The following SRP14 variants were observed in gnomAD, a reference collection of about 807,000 sequenced individuals.
SRP14 encodes the protein signal recognition particle 14.
SRP14 carries 1 observed loss-of-function variant against 16.0 expected under a neutral mutation model. That is an observed-to-expected ratio of 0.06 (90% CI 0.02 to 0.30). The LOEUF (loss-of-function observed/expected upper bound fraction) is 0.30. SRP14 is among the 10% of genes least tolerant of loss of function. SRP14 has a pLI of 1.00. For synonymous variants in SRP14, 67 were observed against 60.1 expected (o/e 1.12, Z -0.53); for missense variants, 120 against 163.1 (o/e 0.74, Z 1.44).
rs1555424355 is a variant in SRP14 at position 40,037,279 on chromosome 15, G to GGAAAAA, written c.211-262_211-261insTTTTTC. The GGAAAAA allele has an allele frequency of 6.8e-5, 51 of 749,852 alleles. 1 individual carries two copies. Among genetic ancestry groups the GGAAAAA allele is most frequent in the East Asian group, 6.3e-4 (7 of 11,190 alleles). The allele number at this position is 749,852 out of a possible 1,614,324, so 46.4% of individuals were successfully genotyped here. A position where few individuals can be genotyped will look rare whatever the true frequency, so the allele number is the denominator to read the frequency against. The stretch of plus-strand genomic sequence containing the variant: ...TGAAAGGCAGTAGGCTCCTTTTGGG[G>GGAAAAA]AAAAAAAAAAAAAAAGCTTTGTTTC... On this transcript the variant is annotated intron_variant, in intron 3 of 4. Transcript: ENST00000267884.
At chr15:40,038,510 G>T in intron 2 of SRP14, 116 bp from the exon 3 acceptor site, 1 of 720,716 alleles carries the variant, frequency 1.4e-6, no homozygotes, top group Non-Finnish European at 2.4e-6. Context: ...CGCTGCTCTA[G>T]TTTTGTTAAA....
intron 4 of SRP14, 97 bp from the exon 5 acceptor site, chr15:40,036,597 A>C: frequency 8.2e-7 from 1 of 1,218,338 alleles, no homozygotes; most frequent in Non-Finnish European, 1.2e-6. Flanking sequence ...GCCAAAAATC[A>C]GGAAAGAATA....
Position 40,036,498 on chromosome 15 carries a change from A to G in SRP14, c.246T>C (p.Ala82=). Residue 82 remains alanine, a splice_region_variant and synonymous_variant, in exon 5 of 5, where the codon GCT becomes GCC. Coordinates refer to ENST00000267884, the MANE Select transcript of SRP14 (RefSeq NM_003134.6). ...TGTTAGCTCTAAGGAGGTTTGAATAAGCCTGAAAGATACAACAGAGCATAC... is the reference window on the plus strand; with the variant it reads ...TGTTAGCTCTAAGGAGGTTTGAATAGGCCTGAAAGATACAACAGAGCATAC... ...SSKEVNKFQM[A]YSNLLRANMD... The G allele has an allele frequency of 6.2e-7, 1 of 1,613,868 alleles. No homozygotes were observed. The highest frequency in any genetic ancestry group is 1.1e-5 in the South Asian group (1 of 91,082).
At position 40,037,002 on chromosome 15, in the gene SRP14, A is replaced by G; in HGVS notation, c.227T>C (p.Val76Ala). ...KISTVVSSKE[V>A]NKFQMAYSNL... ...AAAACTCACCATCTGAAACTTATTC[A>G]CTTCCTTGGAGCTCACCTGAAAAAG... Residue 76 changes from valine (V) to alanine (A), a missense_variant, in exon 4 of 5, where the codon GTG (valine) becomes GCG (alanine). By Grantham distance (64) the Val-to-Ala change is moderately conservative (BLOSUM62 0). Around this residue, in one of 3 missense-constraint regions of SRP14, gnomAD observed 44 missense variants for 93.1 expected, o/e 0.47. Transcript: ENST00000267884. 2 of 1,613,908 alleles carry G rather than the reference A, an allele frequency of 1.2e-6. No individual in the cohort carries two copies. The highest frequency in any genetic ancestry group is 1.7e-6 in the Non-Finnish European group (2 of 1,179,966).
chr15:40,036,015 T>C lies in SRP14; in HGVS notation c.*318A>G. ...TTATTGCCAGAACTATTAAAATGGG[T>C]TGGGAAAGGAATAAAGAGACAGTGC... On this transcript the variant is annotated 3_prime_UTR_variant, in exon 5 of 5. Transcript: ENST00000267884. 3.0e-6 allele frequency: 1 copy of C among 330,526 alleles called. No individual in the cohort carries two copies. Among genetic ancestry groups the C allele is most frequent in the Non-Finnish European group, 5.5e-6 (1 of 182,908 alleles). 20.5% of individuals were successfully genotyped at this position (330,526 alleles called of 1,614,324 possible).
rs1165391477 is a variant in SRP14, at chr15:40,037,623, T to A, written c.211-605A>T. Among the ~76,000 whole-genome samples, 6 of 14,982 alleles carry A rather than the reference T, an allele frequency of 4.0e-4. 1 individual carries two copies. The highest frequency in any genetic ancestry group is 1.6e-3 in the South Asian group (1 of 622). The allele number at this position is 14,982 out of a possible 152,430, so 9.8% of individuals were successfully genotyped here. A position where few individuals can be genotyped will look rare whatever the true frequency, so the allele number is the denominator to read the frequency against. On this transcript the variant is annotated intron_variant, in intron 3 of 4. Coordinates refer to ENST00000267884, the MANE Select transcript of SRP14 (RefSeq NM_003134.6). ...CTCTCAAGATAACTTGTCCTTAGGT[T>A]TTTGTTATTTCATGATATCTAACTT...
At chr15:40,038,752 G>C in intron 2 of SRP14, 124 bp downstream of exon 2, 2 of 1,044,864 alleles carry the variant, frequency 1.9e-6, no homozygotes, top group Non-Finnish European at 2.8e-6. Context: ...CCGAAGCCCC[G>C]AATGTGCTCA....
Position 40,036,389 on chromosome 15 carries a change from C to T in SRP14, c.355G>A (p.Ala119Thr), listed in dbSNP as rs199851589. The change falls in exon 5 of 5, where the codon GCA becomes ACA. Residue 119 changes from alanine to threonine, a missense_variant. Physicochemically the swap from Ala to Thr is moderately conservative, Grantham distance 58. This residue lies in a region of SRP14 where 43 missense variants were observed against 37.0 expected (regional missense o/e 1.16). Coordinates refer to ENST00000267884, the MANE Select transcript of SRP14 (RefSeq NM_003134.6). ...GCTGTTGTTGGTGCTGTTGCTGCTG[C>T]GGCAGGTGCTGCTGCTGCTGCTGCT... ...AAAAAAAAPA[A>T]AATAPTTAAT... 1.7e-5 allele frequency: 27 copies of T among 1,613,064 alleles called. No individual in the cohort carries two copies. The highest frequency in any genetic ancestry group is 4.4e-5 in the South Asian group (4 of 90,984).
upstream of SRP14, chr15:40,039,190 C>A (rs2035683166): frequency 6.5e-7 from 1 of 1,539,058 alleles, no homozygotes; most frequent in Non-Finnish European, 8.8e-7. Context: ...CTAGGCTGGG[C>A]GGGACTTCCG....
rs2035610004 is a variant in SRP14 at position 40,035,769 on chromosome 15, T to C, written c.*564A>G. On this transcript the variant is annotated 3_prime_UTR_variant, in exon 5 of 5. Transcript: ENST00000267884. ...TTTGGAACCTTTATTCTTGATGACT[T>C]TGTAGTATGTTTCTCCTAAGGTGGT... 1 of 152,476 alleles carries C rather than the reference T, an allele frequency of 6.6e-6. No individual in the cohort carries two copies. Among genetic ancestry groups the C allele is most frequent in the East Asian group, 1.9e-4 (1 of 5,196 alleles). The allele number at this position is 152,476 out of a possible 1,614,324, so 9.4% of individuals were successfully genotyped here.
intron 2 of SRP14, 166 bp downstream of exon 2, chr15:40,038,710 G>C: frequency 1.4e-6 from 1 of 731,066 alleles, no homozygotes; most frequent in Non-Finnish European, 2.2e-6. Context: ...GCTGGGGACT[G>C]AGCCAGCTAC....
Position 40,039,139 on chromosome 15 carries a change from C to T in SRP14, c.-23G>A, listed in dbSNP as rs747738565. ...CATCGCGGCGACGCTGGCTCGACTCCCTCCGCTTAAGCCCCTAGCAGTGAG... is the reference window on the plus strand; with the variant it reads ...CATCGCGGCGACGCTGGCTCGACTCTCTCCGCTTAAGCCCCTAGCAGTGAG... On this transcript the variant is annotated 5_prime_UTR_variant, in exon 1 of 5. Transcript: ENST00000267884. The T allele has an allele frequency of 3.1e-6, 5 of 1,607,368 alleles. No individual in the cohort carries two copies. The highest frequency in any genetic ancestry group is 4.2e-6 in the Non-Finnish European group (5 of 1,178,086).
chr15:40,037,791 T>G (rs2035653504), intron 3 of SRP14, among the ~76,000 whole-genome samples: 1 of 152,266 alleles, frequency 6.6e-6, no homozygotes, highest in Non-Finnish European at 1.5e-5. Flanking sequence ...TAAAGTAGTA[T>G]TCACTCAATT....
Position 40,036,170 on chromosome 15 carries a change from C to T in SRP14, c.*163G>A. 7.8e-7 allele frequency: 1 copy of T among 1,286,876 alleles called. No individual in the cohort carries two copies. The highest frequency in any genetic ancestry group is 1.1e-6 in the Non-Finnish European group (1 of 929,972). 79.7% of individuals were successfully genotyped at this position (1,286,876 alleles called of 1,614,324 possible). ...AGCCAAATGCAAAATAAACTAGATTCTTACCACAACTATCCTATAAACACT... is the reference window on the plus strand; with the variant it reads ...AGCCAAATGCAAAATAAACTAGATTTTTACCACAACTATCCTATAAACACT... On this transcript the variant is annotated 3_prime_UTR_variant, in exon 5 of 5. Transcript: ENST00000267884.
Position 40,036,144 on chromosome 15 carries a change from T to C in SRP14, c.*189A>G, listed in dbSNP as rs529086951. 3 of 1,013,594 alleles carry C rather than the reference T, an allele frequency of 3.0e-6. No homozygotes were observed. The highest frequency in any genetic ancestry group is 2.5e-5 in the Admixed American group (1 of 40,726). The allele number at this position is 1,013,594 out of a possible 1,614,324, so 62.8% of individuals were successfully genotyped here. A position where few individuals can be genotyped will look rare whatever the true frequency, so the allele number is the denominator to read the frequency against. On this transcript the variant is annotated 3_prime_UTR_variant, in exon 5 of 5. Transcript: ENST00000267884. ...ATATAACCATGCAGCACAGACCAAT[T>C]AGCCAAATGCAAAATAAACTAGATT... is the stretch of plus-strand genomic sequence containing the variant.
In SRP14 at chr15:40,038,981, G is replaced by A. The variant is rs199732780; in HGVS notation, c.25-33C>T. The A allele has an allele frequency of 2.8e-3, 4,427 of 1,607,108 alleles. 9 individuals are homozygous for A. The highest frequency in any genetic ancestry group is 3.0e-3 in the Non-Finnish European group (3,515 of 1,176,936). ...ACAACAGGCCCAGCCCCGTTAGCCA[G>A]CCCCAAATCCTCGTCCTGCCGCGTC... On this transcript the variant is annotated intron_variant, in intron 1 of 4. Coordinates refer to ENST00000267884, the MANE Select transcript of SRP14 (RefSeq NM_003134.6).
Position 40,036,176 on chromosome 15 carries a change from A to C in SRP14, c.*157T>G, listed in dbSNP as rs1595443814. On this transcript the variant is annotated 3_prime_UTR_variant, in exon 5 of 5. Coordinates refer to ENST00000267884, the MANE Select transcript of SRP14 (RefSeq NM_003134.6). ...ATGCAAAATAAACTAGATTCTTACC[A>C]CAACTATCCTATAAACACTGCAACT... 7.6e-7 allele frequency: 1 copy of C among 1,322,846 alleles called. No homozygotes were observed. Among genetic ancestry groups the C allele is most frequent in the Non-Finnish European group, 1.0e-6 (1 of 960,486 alleles). The allele number at this position is 1,322,846 out of a possible 1,614,324, so 81.9% of individuals were successfully genotyped here.
At chr15:40,036,891 A>G (rs1307946414) in intron 4 of SRP14, 95 bp downstream of exon 4, 1 of 1,384,914 alleles carries the variant, frequency 7.2e-7, no homozygotes, top group Non-Finnish European at 1.0e-6. Flanking sequence ...TTATCTCCGG[A>G]GAGCAGTGAA....
At chr15:40,036,756 A>G (rs2035629987) in intron 4 of SRP14, 4 of 635,256 alleles carry the variant, frequency 6.3e-6, no homozygotes, top group Admixed American at 3.0e-5. Context: ...TTGTTCAACT[A>G]TAGTATAGGT....
Sources: allele counts gnomAD v4.1 joint callset (sites outside exome capture counted in the v4.1 genomes callset), GRCh38; gene constraint gnomAD v4.1.1; regional missense constraint gnomAD v4.1.1; transcripts MANE v1.5; gene names NCBI Gene and HGNC (gene_info 2026-07-23, HGNC 2026-07-21).